TOX: variants seen among roughly 807,000 people sequenced by gnomAD.
TOX encodes thymocyte selection-associated high mobility group box protein TOX.
TOX carries 11 observed loss-of-function variants against 53.7 expected under a neutral mutation model. The observed-to-expected ratio is 0.20, with a 90% CI of 0.13 to 0.34. The LOEUF (loss-of-function observed/expected upper bound fraction) is 0.34, where lower values mean the gene tolerates loss of function less well. Ranked by LOEUF, TOX falls within the 10% of genes least tolerant of loss-of-function variation. TOX has a pLI of 1.00. For synonymous variants in TOX, 225 were observed against 245.3 expected, an observed-to-expected ratio of 0.92 and a Z score of 0.77; for missense variants, 570 against 664.6, an observed-to-expected ratio of 0.86 and a Z score of 1.56.
At chr8:59,020,079 T>C (rs371313) in intron 1 of TOX, among the ~76,000 whole-genome samples, 16,600 of 152,212 alleles carry the variant, frequency 0.11, 1,831 homozygotes, top group East Asian at 0.49. Context: ...ACAATGCTAG[T>C]TTTCAACCTT....
chr8:58,988,313 T>C (rs1296004998), intron 1 of TOX, among the ~76,000 whole-genome samples: 1 of 152,226 alleles, frequency 6.6e-6, no homozygotes, highest in Admixed American at 6.5e-5. Context: ...AGGCCAAATC[T>C]GGTCTGCTGT....
intron 1 of TOX, among the ~76,000 whole-genome samples, chr8:58,983,975 A>C (rs1813275924): frequency 6.6e-6 from 1 of 152,228 alleles, no homozygotes; most frequent in East Asian, 1.9e-4. Flanking sequence ...AGGGTGAGGC[A>C]TATTTGCCTG....
chr8:58,843,985 A>AATG (rs1245884970), intron 4 of TOX, among the ~76,000 whole-genome samples: 13 of 152,214 alleles, frequency 8.5e-5, no homozygotes, highest in Non-Finnish European at 1.8e-4. Context: ...GGATAAACAC[A>AATG]ATGATGATAG....
At chr8:58,993,532 T>C (rs1249168064) in intron 1 of TOX, among the ~76,000 whole-genome samples, 1 of 152,190 alleles carries the variant, frequency 6.6e-6, no homozygotes, top group Non-Finnish European at 1.5e-5. Flanking sequence ...GAGATTTCTA[T>C]GGAAAAATAA....
chr8:58,897,186 A>T (rs976409317), intron 3 of TOX, among the ~76,000 whole-genome samples: 3 of 152,194 alleles, frequency 2.0e-5, no homozygotes, highest in Admixed American at 1.3e-4. Context: ...CTATATAAAA[A>T]TGCCCTGCCT....
At chr8:58,981,857 T>C (rs1438241190) in intron 1 of TOX, among the ~76,000 whole-genome samples, 4 of 152,206 alleles carry the variant, frequency 2.6e-5, no homozygotes, top group African/African-American at 9.6e-5. Context: ...CCTTGGACTC[T>C]CAACTGTATC....
At chr8:58,848,765 T>A (rs1418588491) in intron 4 of TOX, among the ~76,000 whole-genome samples, 2 of 152,050 alleles carry the variant, frequency 1.3e-5, no homozygotes, top group East Asian at 1.9e-4. Context: ...GTTTATAAGG[T>A]GATAATTTAT....
chr8:59,004,588 T>A (rs1813752934), intron 1 of TOX, among the ~76,000 whole-genome samples: 1 of 152,226 alleles, frequency 6.6e-6, no homozygotes, highest in South Asian at 2.1e-4. Context: ...TTAAGACTAG[T>A]AAGAACATAG....
chr8:58,838,032 T>G, intron 5 of TOX, 49 bp downstream of exon 5: 1 of 1,574,344 alleles, frequency 6.4e-7, no homozygotes, highest in Non-Finnish European at 8.7e-7. Flanking sequence ...TTCTTCAGAC[T>G]GCACAATCTC....
intron 7 of TOX, among the ~76,000 whole-genome samples, chr8:58,810,934 G>A (rs1810067161): frequency 1.3e-5 from 2 of 152,002 alleles, no homozygotes; most frequent in African/African-American, 4.8e-5. Context: ...AAGATTAAAT[G>A]AGTGACTTCA....
At chr8:59,085,124 C>G (rs1171411049) in intron 1 of TOX, among the ~76,000 whole-genome samples, 3 of 152,178 alleles carry the variant, frequency 2.0e-5, no homozygotes, top group Non-Finnish European at 4.4e-5. Flanking sequence ...ATAGCACTTA[C>G]CAAAACAGCC....
intron 3 of TOX, among the ~76,000 whole-genome samples, chr8:58,871,771 A>T (rs751126018): frequency 3.9e-5 from 6 of 152,192 alleles, no homozygotes; most frequent in Non-Finnish European, 8.8e-5. Flanking sequence ...CTATGCAGCA[A>T]TGGACTGGAG....
chr8:58,833,515 A>G (rs760133997), intron 5 of TOX, among the ~76,000 whole-genome samples: 1 of 152,220 alleles, frequency 6.6e-6, no homozygotes, highest in Non-Finnish European at 1.5e-5. Flanking sequence ...CTGGAACCTC[A>G]TAAAAAAGAT....
At chr8:58,934,053 G>A (rs1234123537) in intron 3 of TOX, among the ~76,000 whole-genome samples, 1 of 152,126 alleles carries the variant, frequency 6.6e-6, no homozygotes, top group Non-Finnish European at 1.5e-5. Flanking sequence ...ATAACTCAGA[G>A]GAATGTTGAG....
chr8:58,975,349 G>A (rs1352426852), intron 1 of TOX, among the ~76,000 whole-genome samples: 2 of 151,850 alleles, frequency 1.3e-5, no homozygotes, highest in Non-Finnish European at 2.9e-5. Context: ...TCTAACAAAG[G>A]GGAGTCTATG....
intron 1 of TOX, among the ~76,000 whole-genome samples, chr8:59,034,364 G>A (rs1814416107): frequency 6.6e-6 from 1 of 152,354 alleles, no homozygotes; most frequent in African/African-American, 2.4e-5. Context: ...GAGGGGGTGA[G>A]GTTAGGCATC....
rs570180979 is a variant in TOX at position 58,860,951 on chromosome 8, G to A, written c.412-9146C>T. Among the ~76,000 whole-genome samples, 9 of 152,280 alleles carry A rather than the reference G, an allele frequency of 5.9e-5. No homozygotes were observed. The South Asian group carries it at 1.0e-3, about 18-fold the overall frequency. The stretch of plus-strand genomic sequence containing the variant: ...TTCGGCCAGGAGGTTATGGCGTATA[G>A]CGTTGCCCTTTAACTGCACAGTTGG... On this transcript the variant is annotated intron_variant, in intron 3 of 8. Coordinates refer to ENST00000361421, the MANE Select transcript of TOX (RefSeq NM_014729.3).
intron 1 of TOX, among the ~76,000 whole-genome samples, chr8:58,966,072 C>G (rs1421442080): frequency 2.0e-5 from 3 of 152,058 alleles, no homozygotes; most frequent in South Asian, 2.1e-4. Context: ...CCAGTGAAAA[C>G]TGAGCAAAGC....
chr8:59,117,528 G>A lies in TOX; in HGVS notation c.102+1358C>T, dbSNP rs917804496. On this transcript the variant is annotated intron_variant, in intron 1 of 8. Coordinates refer to ENST00000361421, the MANE Select transcript of TOX (RefSeq NM_014729.3). This position sits in a 1 kb window ranked among gnomAD's most constrained non-coding sequence, Gnocchi z 4.6. ...CAGCATCGAGGAGCTTCTCCACGGG[G>A]AAGTGTGTGTGTGAGAGCCTGCCTG... is the stretch of plus-strand genomic sequence containing the variant. 6.6e-6 allele frequency among the ~76,000 whole-genome samples: 1 copy of A among 152,252 alleles called. No homozygotes were observed. The highest frequency in any genetic ancestry group is 1.5e-5 in the Non-Finnish European group (1 of 68,054).
Sources: allele counts gnomAD v4.1 joint callset (sites outside exome capture counted in the v4.1 genomes callset), GRCh38; gene constraint gnomAD v4.1.1; non-coding constraint Gnocchi (gnomAD v3.1); transcripts MANE v1.5; gene names NCBI Gene and HGNC (gene_info 2026-07-23, HGNC 2026-07-21).